The following ADAMTSL3 variants were observed in gnomAD, a reference collection of about 807,000 sequenced individuals.
ADAMTSL3 encodes the protein ADAMTS-like protein 3.
ADAMTSL3 carries 128 observed loss-of-function variants against 201.7 expected under a neutral mutation model. The ratio of observed to expected loss-of-function variants is 0.63; its 90% CI spans 0.55 to 0.73. The LOEUF is 0.73. Among genes scored for constraint, ADAMTSL3 ranks in the 30% least tolerant of loss-of-function variants. ADAMTSL3 has a pLI of 0.00. For missense variants in ADAMTSL3, 1,990 were observed against 2,119.6 expected (o/e 0.94, Z 1.20); for synonymous variants, 738 against 748.4 (o/e 0.99, Z 0.23).
intron 2 of ADAMTSL3, among the ~76,000 whole-genome samples, chr15:83,676,797 A>G (rs2061411885): frequency 6.6e-6 from 1 of 152,248 alleles, no homozygotes; most frequent in African/African-American, 2.4e-5. Flanking sequence ...AAAATAGGCC[A>G]AAAGGCGCTT....
In ADAMTSL3 at chr15:83,815,590, C is replaced by A. The variant is rs370048053; in HGVS notation, c.364-4221C>A. Among the ~76,000 whole-genome samples the A allele has an allele frequency of 1.3e-3, 200 of 152,318 alleles. 9 individuals carry two copies. The South Asian group carries it at 0.04, about 31-fold the overall frequency. On this transcript the variant is annotated intron_variant, in intron 5 of 29. Coordinates refer to ENST00000286744, the MANE Select transcript of ADAMTSL3 (RefSeq NM_207517.3). ...AATAGACTGTTTAAGACACAAGAAT[C>A]CCTAGCTTGTCTTGAGCTGGGACAT...
chr15:83,907,999 C>A (rs558117983), intron 15 of ADAMTSL3, among the ~76,000 whole-genome samples: 2 of 152,290 alleles, frequency 1.3e-5, no homozygotes, highest in African/African-American at 4.8e-5. Flanking sequence ...GTTTAAGTGT[C>A]CCAAGATATG....
Position 83,858,767 on chromosome 15 carries a change from A to G in ADAMTSL3, c.729A>G (p.Arg243=), listed in dbSNP as rs754592805. ...CAGTTGCGTTCTGTTCTTTCCCAGG[A>G]GAAGAAAATGTAATTGCTGTTCCTT... ...QSKSHVSPEK[R]EENVIAVPLG... The change falls in exon 8 of 30, where the codon AGA becomes AGG. Residue 243 remains arginine, a splice_region_variant and synonymous_variant. Coordinates refer to ENST00000286744, the MANE Select transcript of ADAMTSL3 (RefSeq NM_207517.3). The G allele has an allele frequency of 6.2e-7, 1 of 1,613,162 alleles. No homozygotes were observed. The highest frequency in any genetic ancestry group is 8.5e-7 in the Non-Finnish European group (1 of 1,179,554).
intron 20 of ADAMTSL3, among the ~76,000 whole-genome samples, chr15:83,980,352 C>T (rs2067364529): frequency 6.6e-6 from 1 of 152,104 alleles, no homozygotes; most frequent in Non-Finnish European, 1.5e-5. Context: ...GTTGATTGAG[C>T]CCTTGCTGTG....
chr15:83,941,729 T>G (rs1204801872), intron 17 of ADAMTSL3, among the ~76,000 whole-genome samples: 4 of 152,248 alleles, frequency 2.6e-5, no homozygotes, highest in Admixed American at 1.3e-4. Context: ...AATTTAATTT[T>G]TGTGTGTGTG....
intron 7 of ADAMTSL3, among the ~76,000 whole-genome samples, chr15:83,852,389 C>G (rs1333191645): frequency 1.3e-5 from 2 of 152,308 alleles, no homozygotes; most frequent in South Asian, 4.1e-4. Context: ...GCTGGGATTA[C>G]AGGCGTGAGC....
At chr15:84,007,496 C>T (rs191805055) in intron 23 of ADAMTSL3, among the ~76,000 whole-genome samples, 10 of 152,228 alleles carry the variant, frequency 6.6e-5, no homozygotes, top group South Asian at 4.2e-4. Flanking sequence ...TTGAAGCTTC[C>T]GTATGCTATG....
chr15:83,825,440 G>A (rs559538204), intron 6 of ADAMTSL3, among the ~76,000 whole-genome samples: 3 of 152,108 alleles, frequency 2.0e-5, no homozygotes, highest in South Asian at 2.1e-4. Flanking sequence ...GGGAAACCTC[G>A]TTTCTACAAA....
chr15:83,879,327 T>C (rs1303882262), intron 9 of ADAMTSL3, among the ~76,000 whole-genome samples: 1 of 152,178 alleles, frequency 6.6e-6, no homozygotes. Flanking sequence ...CTAAACTTCT[T>C]GAGATGGATT....
intron 16 of ADAMTSL3, among the ~76,000 whole-genome samples, chr15:83,914,732 C>G (rs1399503966): frequency 1.3e-5 from 2 of 152,258 alleles, no homozygotes; most frequent in African/African-American, 2.4e-5. Context: ...AGCACATTGT[C>G]TGGGTTGCCC....
At chr15:83,875,820 A>C (rs2065166800) in intron 9 of ADAMTSL3, among the ~76,000 whole-genome samples, 1 of 152,028 alleles carries the variant, frequency 6.6e-6, no homozygotes. Flanking sequence ...AAAAAAGAAC[A>C]ATCAGGATGT....
At chr15:83,793,286 G>T (rs932392614) in intron 4 of ADAMTSL3, among the ~76,000 whole-genome samples, 5 of 152,160 alleles carry the variant, frequency 3.3e-5, no homozygotes, top group African/African-American at 7.2e-5. Flanking sequence ...TGTCATTGTA[G>T]TTAATATATT....
intron 6 of ADAMTSL3, among the ~76,000 whole-genome samples, chr15:83,826,249 G>A (rs574582786): frequency 1.3e-5 from 2 of 152,042 alleles, no homozygotes; most frequent in South Asian, 4.2e-4. Context: ...CTAAGTAGCT[G>A]GGACTACAGT....
At chr15:84,002,546 C>A (rs111414305) in intron 23 of ADAMTSL3, among the ~76,000 whole-genome samples, 4 of 152,148 alleles carry the variant, frequency 2.6e-5, no homozygotes, top group African/African-American at 9.7e-5. Context: ...TGTGCCCACC[C>A]ATTCCCTATC....
At chr15:83,657,755 A>G (rs969834225) in intron 2 of ADAMTSL3, among the ~76,000 whole-genome samples, 6 of 152,192 alleles carry the variant, frequency 3.9e-5, no homozygotes, top group Non-Finnish European at 8.8e-5. Flanking sequence ...CTCAAGAGGT[A>G]TCAGCTGTGG....
intron 7 of ADAMTSL3, among the ~76,000 whole-genome samples, chr15:83,846,379 G>T (rs1398215248): frequency 2.0e-5 from 3 of 152,208 alleles, no homozygotes; most frequent in Admixed American, 6.5e-5. Context: ...GGTCAAGATG[G>T]TTCTGACCTC....
At chr15:83,959,564 T>C (rs2066923141) in intron 19 of ADAMTSL3, among the ~76,000 whole-genome samples, 1 of 152,204 alleles carries the variant, frequency 6.6e-6, no homozygotes, top group Admixed American at 6.5e-5. Flanking sequence ...ATATTTAAGA[T>C]ACTGAAGGAA....
intron 10 of ADAMTSL3, among the ~76,000 whole-genome samples, chr15:83,889,407 A>G (rs1194040416): frequency 6.6e-6 from 1 of 152,220 alleles, no homozygotes; most frequent in Admixed American, 6.5e-5. Flanking sequence ...TATTCAACCC[A>G]GCAACCACCC....
At chr15:84,021,341 C>G in intron 25 of ADAMTSL3, 69 bp from the exon 26 acceptor site, 1 of 1,565,254 alleles carries the variant, frequency 6.4e-7, no homozygotes, top group South Asian at 1.2e-5. Context: ...TGGTTTTTGG[C>G]CATGTCTTCT....
Sources: gnomAD v4.1 joint callset for allele counts (sites outside exome capture counted in the v4.1 genomes callset) on GRCh38, gnomAD v4.1.1 for gene constraint, MANE v1.5 for transcripts, NCBI Gene and HGNC (gene_info 2026-07-23, HGNC 2026-07-21) for gene names.